TBPL2: variants seen among roughly 807,000 people sequenced by gnomAD.
TBPL2 encodes TATA box-binding protein-like 2.
TBPL2 carries 40 observed loss-of-function variants against 38.2 expected under a neutral mutation model. That is an observed-to-expected ratio of 1.05 (90% confidence interval 0.81 to 1.36). TBPL2 has a LOEUF of 1.36. Among genes scored for constraint, TBPL2 ranks in the 40% most tolerant of loss-of-function variants. TBPL2 has a pLI of 0.00. For synonymous variants in TBPL2, 169 were observed against 171.7 expected (o/e 0.98, Z 0.12); for missense variants, 461 against 456.7 (o/e 1.01, Z -0.09).
At position 55,439,414 on chromosome 14, in the gene TBPL2, G is replaced by A. The variant is rs539020049; in HGVS notation, c.150+982C>T. On this transcript the variant is annotated intron_variant, in intron 1 of 6. Coordinates refer to ENST00000247219, the Ensembl canonical transcript of TBPL2. The stretch of plus-strand genomic sequence containing the variant: ...ATGCTGCAGGGGACAGGGGCTCTCT[G>A]TTTCCCCTGTCAAAGCAGAAACCCG... 1.3e-5 allele frequency among the ~76,000 whole-genome samples: 2 copies of A among 152,158 alleles called. 1 individual carries two copies. The highest frequency in any genetic ancestry group is 4.8e-5 in the African/African-American group (2 of 41,514).
chr14:55,432,237 C>T (rs111255689), intron 4 of TBPL2, among the ~76,000 whole-genome samples: 390 of 129,878 alleles, frequency 3.0e-3, no homozygotes, highest in African/African-American at 0.01. Flanking sequence ...GGGAAACCCC[C>T]GTCTCTACAA....
intron 5 of TBPL2, among the ~76,000 whole-genome samples, chr14:55,427,629 G>C (rs962923096): frequency 1.4e-4 from 22 of 152,068 alleles, no homozygotes; most frequent in African/African-American, 4.8e-4. Flanking sequence ...GTATATCTTG[G>C]TGAGTCAAGG....
Position 55,428,279 on chromosome 14 carries a change from G to A in TBPL2, c.956+528C>T, listed in dbSNP as rs369993311. ...CGAGTAGCTGGGACTACAGGCGCCC[G>A]CTGCCACGCCCGGCTAATTTTTTGT... On this transcript the variant is annotated intron_variant, in intron 5 of 6. Transcript: ENST00000247219. Among the ~76,000 whole-genome samples, 504 of 151,824 alleles carry A rather than the reference G, an allele frequency of 3.3e-3. 6 individuals are homozygous for A. In the South Asian group the frequency reaches 0.035, roughly 11 times the overall value.
chr14:55,436,829 G>T, exon 2 of TBPL2: 1 of 1,614,204 alleles, frequency 6.2e-7, no homozygotes, highest in Non-Finnish European at 8.5e-7. Flanking sequence ...CTAATGACAG[G>T]CTGGTCTTTA....
intron 4 of TBPL2, among the ~76,000 whole-genome samples, chr14:55,430,562 C>T (rs1312245514): frequency 1.3e-5 from 2 of 152,040 alleles, no homozygotes; most frequent in African/African-American, 2.4e-5. Flanking sequence ...CACCACCACA[C>T]CTGCCTAAAT....
intron 6 of TBPL2, among the ~76,000 whole-genome samples, chr14:55,418,537 G>A (rs1885700320): frequency 6.6e-6 from 1 of 152,092 alleles, no homozygotes; most frequent in Non-Finnish European, 1.5e-5. Context: ...CTATTAGTTG[G>A]GGGTTACTGT....
At position 55,440,487 on chromosome 14, in the gene TBPL2, G is replaced by A. The variant is rs142678886; in HGVS notation, c.59C>T (p.Ser20Phe). 1.0e-4 allele frequency: 167 copies of A among 1,612,658 alleles called. No individual in the cohort carries two copies. Among genetic ancestry groups the A allele is most frequent in the Non-Finnish European group, 1.3e-4 (156 of 1,179,898 alleles). Residue 20 changes from serine to phenylalanine, a missense_variant, in exon 1 of 7, where the codon TCT (serine) becomes TTT (phenylalanine). Coordinates refer to ENST00000247219, the Ensembl canonical transcript of TBPL2. ...CACTGTTGGGGGTGGGGGCGGGTAA[G>A]AGGGTAAGCGCGGAGCGAGCAGCCT...
At chr14:55,440,397 T>G (rs1438875369) in exon 1 of TBPL2, 4 of 1,612,810 alleles carry the variant, frequency 2.5e-6, no homozygotes. Flanking sequence ...CAGCCTCACC[T>G]GAGCGGCGCA....
intron 6 of TBPL2, 23 bp from the exon 7 acceptor site, chr14:55,414,478 A>G (rs1171647732): frequency 1.3e-6 from 2 of 1,507,346 alleles, no homozygotes; most frequent in African/African-American, 1.4e-5. Context: ...CCAGGTTTAT[A>G]TAATTTTTAA....
At chr14:55,416,486 C>A (rs1802766318) in intron 6 of TBPL2, among the ~76,000 whole-genome samples, 2 of 152,086 alleles carry the variant, frequency 1.3e-5, no homozygotes, top group East Asian at 1.9e-4. Context: ...GTTATTTATT[C>A]ATTGCCAAAA....
chr14:55,429,971 C>T (rs1885898984), intron 4 of TBPL2, among the ~76,000 whole-genome samples: 2 of 152,064 alleles, frequency 1.3e-5, no homozygotes, highest in African/African-American at 4.8e-5. Context: ...TCGGCTTTCT[C>T]ACCCAATCTT....
At chr14:55,427,832 T>TACACACACAC (rs35406194) in intron 5 of TBPL2, among the ~76,000 whole-genome samples, 3 of 145,108 alleles carry the variant, frequency 2.1e-5, no homozygotes, top group Non-Finnish European at 3.0e-5. Flanking sequence ...TGCAGCTATA[T>TACACACACAC]ACACACACAC....
At chr14:55,422,404 C>G (rs1288974704) in intron 6 of TBPL2, among the ~76,000 whole-genome samples, 1 of 152,204 alleles carries the variant, frequency 6.6e-6, no homozygotes, top group Non-Finnish European at 1.5e-5. Flanking sequence ...TGCCACTATG[C>G]CCAGCTAATT....
At chr14:55,440,343 C>G in intron 1 of TBPL2, 53 bp downstream of exon 1, 1 of 1,606,024 alleles carries the variant, frequency 6.2e-7, no homozygotes, top group Non-Finnish European at 8.5e-7. Context: ...GCCCTTGGCA[C>G]AGGACCGGGC....
intron 6 of TBPL2, 21 bp from the exon 7 acceptor site, chr14:55,414,476 A>C: frequency 6.5e-7 from 1 of 1,544,150 alleles, no homozygotes. Flanking sequence ...ATCCAGGTTT[A>C]TATAATTTTT....
At position 55,436,900 on chromosome 14, in the gene TBPL2, GTTTC is replaced by G; in HGVS notation, c.265_268del (p.Glu89HisfsTer57). On this transcript the variant is annotated frameshift_variant, in exon 2 of 7. Transcript: ENST00000247219. LOFTEE classifies it high-confidence loss of function. Reference sequence around the variant, plus strand: ...ATCCACAGATGAGAAATCACCAGATGTTTCTTTGACTTCAGGGTTCGAATTAAAT... The same window carrying G: ...ATCCACAGATGAGAAATCACCAGATGTTTGACTTCAGGGTTCGAATTAAAT... 1.2e-6 allele frequency: 2 copies of G among 1,614,222 alleles called. No individual in the cohort carries two copies. Among genetic ancestry groups the G allele is most frequent in the East Asian group, 2.2e-5 (1 of 44,882 alleles).
chr14:55,436,491 G>T, intron 2 of TBPL2, 70 bp downstream of exon 2: 1 of 1,302,284 alleles, frequency 7.7e-7, no homozygotes. Flanking sequence ...CCTGAAATTA[G>T]TTGTCATCGC....
chr14:55,438,219 C>T (rs1388931244), intron 1 of TBPL2, among the ~76,000 whole-genome samples: 2 of 152,174 alleles, frequency 1.3e-5, no homozygotes, highest in Non-Finnish European at 1.5e-5. Context: ...ATGCTACCTC[C>T]GCTAATGTAC....
exon 7 of TBPL2, chr14:55,414,327 G>T: frequency 7.5e-7 from 1 of 1,337,950 alleles, no homozygotes; most frequent in Non-Finnish European, 1.0e-6. Flanking sequence ...TTTCTGTGCT[G>T]GGCTTATGGA....
Sources: allele counts gnomAD v4.1 joint callset (sites outside exome capture counted in the v4.1 genomes callset), GRCh38; gene constraint gnomAD v4.1.1; transcripts MANE v1.5; gene names NCBI Gene and HGNC (gene_info 2026-07-23, HGNC 2026-07-21).